ZNF514: variants seen among roughly 807,000 people sequenced by gnomAD.
The protein encoded by ZNF514 is zinc finger protein 514.
A neutral mutation model predicts 9.7 loss-of-function variants in ZNF514; 12 were observed. The ratio of observed to expected loss-of-function variants is 1.24; its 90% confidence interval spans 0.79 to 2.01. The LOEUF is 2.01. Ranked by LOEUF, ZNF514 falls within the 30% of genes most tolerant of loss-of-function variation. ZNF514 has a pLI of 0.00. For missense variants in ZNF514, 467 were observed against 465.5 expected (o/e 1.00, Z -0.03); for synonymous variants, 158 against 163.7 (o/e 0.97, Z 0.27).
At position 95,150,185 on chromosome 2, in the gene ZNF514, C is replaced by T. The variant is rs1477993730; in HGVS notation, c.300G>A (p.Val100=). The T allele has an allele frequency of 1.9e-6, 3 of 1,608,462 alleles. 1 individual carries two copies. The highest frequency in any genetic ancestry group is 2.5e-6 in the Non-Finnish European group (3 of 1,179,878). Residue 100 remains valine (V), a synonymous_variant, in exon 5 of 5, where the codon GTG becomes GTA. Coordinates refer to ENST00000295208, the MANE Select transcript of ZNF514 (RefSeq NM_032788.3). ...GCAGCACATCTTGAATGTGTTTTTC[C>T]ACTGATACTACCTGGAATAATTCTT... ...SKEELFQVVS[V]EKHIQDVLQF...
the ZNF514 span, among the ~76,000 whole-genome samples, chr2:95,124,723 A>G: frequency 2.6e-5 from 4 of 151,804 alleles, no homozygotes; most frequent in Non-Finnish European, 4.4e-5. Context: ...GCTGGTCTCA[A>G]ACTCCTGGCC....
At position 95,149,944 on chromosome 2, in the gene ZNF514, A is replaced by G. The variant is rs1261679626; in HGVS notation, c.541T>C (p.Cys181Arg). Residue 181 changes from cysteine (C) to arginine (R), a missense_variant, in exon 5 of 5, where the codon TGT (cysteine) becomes CGT (arginine). Physicochemically the swap from Cys to Arg is radical, Grantham distance 180. Coordinates refer to ENST00000295208, the MANE Select transcript of ZNF514 (RefSeq NM_032788.3). ...AAAGTCTGCCTGAATTCTGTATCAC[A>G]TTTATAAGATCCTTCTCCCATGAGA... ...SILMGEGSYK[C>R]DTEFRQTLGG... The G allele has an allele frequency of 1.2e-6, 2 of 1,614,184 alleles. No individual in the cohort carries two copies. Among genetic ancestry groups the G allele is most frequent in the Admixed American group, 1.7e-5 (1 of 60,030 alleles).
At position 95,152,711 on chromosome 2, in the gene ZNF514, G is replaced by C; in HGVS notation, c.180C>G (p.Phe60Leu). ...CTGTTGAGATTTCTCTCTCCACCAT[G>C]AAGGGCTCACCCCCTTCCTCCAACT... ...ICQLEEGGEPFMVEREISTGA... is the reference protein window; with the variant it reads ...ICQLEEGGEPLMVEREISTGA... Residue 60 changes from phenylalanine to leucine, a missense_variant, in exon 4 of 5, where the codon TTC (phenylalanine) becomes TTG (leucine). Phe to Leu is a conservative substitution (Grantham distance 22). Transcript: ENST00000295208. 1 of 1,614,134 alleles carries C rather than the reference G, an allele frequency of 6.2e-7. No homozygotes were observed. The highest frequency in any genetic ancestry group is 2.2e-5 in the East Asian group (1 of 44,874).
chr2:95,139,031 G>C, the ZNF514 span, among the ~76,000 whole-genome samples: 37 of 152,378 alleles, frequency 2.4e-4, no homozygotes, highest in Non-Finnish European at 4.1e-4. Flanking sequence ...CTGCCACTTT[G>C]GAGAATGCAA....
chr2:95,153,149 C>A lies in ZNF514; in HGVS notation c.105G>T (p.Arg35Ser). 6.2e-7 allele frequency: 1 copy of A among 1,613,148 alleles called. No homozygotes were observed. The highest frequency in any genetic ancestry group is 8.5e-7 in the Non-Finnish European group (1 of 1,179,292). Reference sequence around the variant, plus strand: ...TGTGCTCACCCAGAATGGCCAAGTTCCTGAAGTTCTCCAGCATCACCTCCC... The same window carrying A: ...TGTGCTCACCCAGAATGGCCAAGTTACTGAAGTTCTCCAGCATCACCTCCC... ...LYREVMLENF[R>S]NLAILGLLVS... Residue 35 changes from arginine (R) to serine (S), a missense_variant, in exon 3 of 5, where the codon AGG becomes AGT. Coordinates refer to ENST00000295208, the MANE Select transcript of ZNF514 (RefSeq NM_032788.3).
chr2:95,141,394 A>G (rs767813457), downstream of ZNF514, among the ~76,000 whole-genome samples: 15 of 152,138 alleles, frequency 9.9e-5, no homozygotes, highest in Non-Finnish European at 2.1e-4. Context: ...TACTTCCAGA[A>G]TACCTTAGGG....
At chr2:95,140,257 A>G (rs1174287504), downstream of ZNF514, among the ~76,000 whole-genome samples, 1 of 152,188 alleles carries the variant, frequency 6.6e-6, no homozygotes, top group Non-Finnish European at 1.5e-5. Flanking sequence ...CACCGTGCAC[A>G]TGTACCACAG....
At chr2:95,127,015 C>G in the ZNF514 span, among the ~76,000 whole-genome samples, 1 of 152,186 alleles carries the variant, frequency 6.6e-6, no homozygotes, top group African/African-American at 2.4e-5. Flanking sequence ...TGACAGGTCA[C>G]TGTGACATTT....
At chr2:95,152,018 A>G (rs1162908295) in intron 4 of ZNF514, among the ~76,000 whole-genome samples, 3 of 152,174 alleles carry the variant, frequency 2.0e-5, no homozygotes, top group Non-Finnish European at 4.4e-5. Flanking sequence ...GCTCATGGAA[A>G]TGAACTGGCA....
chr2:95,134,949 T>C, the ZNF514 span, among the ~76,000 whole-genome samples: 1 of 152,206 alleles, frequency 6.6e-6, no homozygotes, highest in Non-Finnish European at 1.5e-5. Flanking sequence ...TGTTGGTCTA[T>C]ATATCCATAA....
At chr2:95,143,335 C>T (rs1320033297), downstream of ZNF514, among the ~76,000 whole-genome samples, 1 of 152,084 alleles carries the variant, frequency 6.6e-6, no homozygotes, top group Non-Finnish European at 1.5e-5. Context: ...TAATAAAGAA[C>T]TTGGGCCAGG....
chr2:95,126,386 A>AG, the ZNF514 span, among the ~76,000 whole-genome samples: 2 of 148,452 alleles, frequency 1.3e-5, no homozygotes, highest in African/African-American at 5.0e-5. Context: ...AAAAAAAAAA[A>AG]AAAAAAAAAG....
chr2:95,157,377 T>C lies in ZNF514; in HGVS notation c.-33A>G. On this transcript the variant is annotated 5_prime_UTR_variant, in exon 2 of 5. Coordinates refer to ENST00000295208, the MANE Select transcript of ZNF514 (RefSeq NM_032788.3). Reference sequence around the variant, plus strand: ...CGAGGCCTGGCTTTCAGGAATGAATTGGTTGTTCCCTCTTCTCCTGGGAAT... The same window carrying C: ...CGAGGCCTGGCTTTCAGGAATGAATCGGTTGTTCCCTCTTCTCCTGGGAAT... 7.8e-7 allele frequency: 1 copy of C among 1,289,648 alleles called. No homozygotes were observed. Among genetic ancestry groups the C allele is most frequent in the Non-Finnish European group, 1.0e-6 (1 of 988,808 alleles). 79.9% of individuals were successfully genotyped at this position (1,289,648 alleles called of 1,614,324 possible).
At chr2:95,153,702 C>G (rs1673607750) in intron 2 of ZNF514, 1 of 153,834 alleles carries the variant, frequency 6.5e-6, no homozygotes, top group African/African-American at 2.4e-5. Flanking sequence ...CCCCCAAAGC[C>G]TACTCATTAT....
At chr2:95,144,268 C>G (rs1310661341), downstream of ZNF514, among the ~76,000 whole-genome samples, 3 of 152,110 alleles carry the variant, frequency 2.0e-5, no homozygotes, top group Non-Finnish European at 4.4e-5. Context: ...TGACAGTTGG[C>G]CTCTACTTTA....
the ZNF514 span, among the ~76,000 whole-genome samples, chr2:95,123,155 A>G: frequency 1.3e-5 from 2 of 152,208 alleles, no homozygotes; most frequent in African/African-American, 2.4e-5. Context: ...CTAAGTAAAG[A>G]GGCTGACTGA....
chr2:95,144,529 A>G (rs1558697327), downstream of ZNF514, among the ~76,000 whole-genome samples: 1 of 152,208 alleles, frequency 6.6e-6, no homozygotes, highest in Non-Finnish European at 1.5e-5. Flanking sequence ...TCAGTGTGCC[A>G]GCAGGGTAAC....
In ZNF514 at chr2:95,145,520, G is replaced by A. The variant is rs1673338993; in HGVS notation, c.*3762C>T. Among the ~76,000 whole-genome samples the A allele has an allele frequency of 6.6e-6, 1 of 152,056 alleles. No homozygotes were observed. The highest frequency in any genetic ancestry group is 2.4e-5 in the African/African-American group (1 of 41,398). ...GGCTTCATCTCACAGTAAGAACCTT[G>A]GTCTCCACAACACCTTATCTTAACC... On this transcript the variant is annotated 3_prime_UTR_variant, in exon 5 of 5. Transcript: ENST00000295208.
At chr2:95,144,925 A>C (rs185490547), downstream of ZNF514, among the ~76,000 whole-genome samples, 284 of 152,132 alleles carry the variant, frequency 1.9e-3, no homozygotes, top group African/African-American at 4.6e-3. Context: ...ACACACACAC[A>C]CCCCAACCTA....
Sources: allele counts gnomAD v4.1 joint callset (sites outside exome capture counted in the v4.1 genomes callset), GRCh38; gene constraint gnomAD v4.1.1; transcripts MANE v1.5; gene names NCBI Gene and HGNC (gene_info 2026-07-23, HGNC 2026-07-21).